Variants in ADAMTS12 observed in about 807,000 individuals in gnomAD.
ADAMTS12 encodes ADAM metallopeptidase with thrombospondin type 1 motif 12.
ADAMTS12 carries 118 observed loss-of-function variants against 167.8 expected under a neutral mutation model. The ratio of observed to expected loss-of-function variants is 0.70; its 90% CI spans 0.61 to 0.82. The LOEUF is 0.82. Among genes scored for constraint, ADAMTS12 ranks in the 40% least tolerant of loss-of-function variants. ADAMTS12 has a pLI of 0.00. For missense variants in ADAMTS12, 1,916 were observed against 1,998.8 expected (o/e 0.96, Z 0.79); for synonymous variants, 704 against 716.9 (o/e 0.98, Z 0.29).
intron 2 of ADAMTS12, among the ~76,000 whole-genome samples, chr5:33,864,925 C>A (rs932961420): frequency 3.3e-5 from 5 of 151,662 alleles, no homozygotes; most frequent in African/African-American, 1.2e-4. Flanking sequence ...CCACCATGGC[C>A]CATGTATACC....
At position 33,651,247 on chromosome 5, in the gene ADAMTS12, C is replaced by A. The variant is rs1302023246; in HGVS notation, c.1191-1550G>T. Among the ~76,000 whole-genome samples, 4 of 152,262 alleles carry A rather than the reference C, an allele frequency of 2.6e-5. No individual in the cohort carries two copies. The East Asian group carries it at 5.8e-4, about 22-fold the overall frequency. On this transcript the variant is annotated intron_variant, in intron 7 of 23. Transcript: ENST00000504830. ...AGTAGTTAAAATCCTAAACTGCAAGCAAGGTTCTAAAAACCTACATGAATA... is the reference window on the plus strand; with the variant it reads ...AGTAGTTAAAATCCTAAACTGCAAGAAAGGTTCTAAAAACCTACATGAATA...
At chr5:33,856,646 T>G (rs1183428277) in intron 2 of ADAMTS12, among the ~76,000 whole-genome samples, 2 of 151,096 alleles carry the variant, frequency 1.3e-5, no homozygotes, top group African/African-American at 4.9e-5. Flanking sequence ...AATACGTATA[T>G]GAAAAGGTGG....
intron 17 of ADAMTS12, among the ~76,000 whole-genome samples, chr5:33,590,240 G>A (rs1349396570): frequency 6.6e-6 from 1 of 152,236 alleles, no homozygotes; most frequent in East Asian, 1.9e-4. Context: ...TTACTGCAAA[G>A]TGATAATAGA....
At chr5:33,563,414 A>G (rs902558767) in intron 19 of ADAMTS12, among the ~76,000 whole-genome samples, 20 of 152,150 alleles carry the variant, frequency 1.3e-4, no homozygotes, top group Admixed American at 9.2e-4. Flanking sequence ...GGTGCTTTCC[A>G]TTCTTGCTCT....
intron 7 of ADAMTS12, among the ~76,000 whole-genome samples, chr5:33,651,301 T>C (rs1458077062): frequency 6.6e-6 from 1 of 152,244 alleles, no homozygotes; most frequent in East Asian, 1.9e-4. Context: ...GATATGTCGA[T>C]ACACCAAGCC....
chr5:33,804,550 G>A (rs1159336652), intron 2 of ADAMTS12, among the ~76,000 whole-genome samples: 2 of 152,208 alleles, frequency 1.3e-5, no homozygotes, highest in East Asian at 1.9e-4. Context: ...AAGCCACTGA[G>A]TTTTAGAGTG....
chr5:33,565,281 G>C, intron 19 of ADAMTS12, among the ~76,000 whole-genome samples: 1 of 152,030 alleles, frequency 6.6e-6, no homozygotes, highest in South Asian at 2.1e-4. Flanking sequence ...TCAGGCTCCC[G>C]AGTAGCTGGA....
chr5:33,846,674 ATTTC>A (rs1200721475), intron 2 of ADAMTS12, among the ~76,000 whole-genome samples: 1 of 152,152 alleles, frequency 6.6e-6, no homozygotes, highest in African/African-American at 2.4e-5. Context: ...TACATCTTAT[ATTTC>A]TTTGTGTCCT....
At chr5:33,607,970 A>G in intron 16 of ADAMTS12, among the ~76,000 whole-genome samples, 2 of 152,252 alleles carry the variant, frequency 1.3e-5, no homozygotes, top group East Asian at 3.8e-4. Context: ...GATCAATGCA[A>G]CAGAATAGGA....
chr5:33,813,611 C>T (rs1411932464), intron 2 of ADAMTS12, among the ~76,000 whole-genome samples: 1 of 152,186 alleles, frequency 6.6e-6, no homozygotes, highest in Non-Finnish European at 1.5e-5. Context: ...GCTTCTGTGT[C>T]CTCTCACTTA....
rs77391373 is a variant in ADAMTS12 at position 33,807,854 on chromosome 5, G to C, written c.490-56306C>G. Among the ~76,000 whole-genome samples the C allele has an allele frequency of 1.8e-4, 28 of 152,332 alleles. 1 individual carries two copies. The East Asian group carries it at 5.2e-3, about 28-fold the overall frequency. On this transcript the variant is annotated intron_variant, in intron 2 of 23. Transcript: ENST00000504830. ...GCAAAAAGAAGCAGGTGTGGAAGGA[G>C]AGTGCAGTTATCTGACAACGAGTTG...
intron 3 of ADAMTS12, among the ~76,000 whole-genome samples, chr5:33,744,355 A>C (rs1320028167): frequency 6.6e-6 from 1 of 152,228 alleles, no homozygotes; most frequent in Non-Finnish European, 1.5e-5. Context: ...AGTGATGAAA[A>C]GCAAAGCTTC....
chr5:33,634,287 A>G (rs1401028636), intron 12 of ADAMTS12, among the ~76,000 whole-genome samples: 1 of 152,066 alleles, frequency 6.6e-6, no homozygotes, highest in African/African-American at 2.4e-5. Context: ...CGGTGCTTTT[A>G]CCCAGGACCT....
intron 19 of ADAMTS12, among the ~76,000 whole-genome samples, chr5:33,572,398 C>G (rs1436993669): frequency 6.6e-6 from 1 of 151,936 alleles, no homozygotes; most frequent in East Asian, 1.9e-4. Context: ...AGCTTATCCA[C>G]CATGATCAAG....
At chr5:33,806,422 A>G (rs546126865) in intron 2 of ADAMTS12, among the ~76,000 whole-genome samples, 1 of 152,350 alleles carries the variant, frequency 6.6e-6, no homozygotes, top group South Asian at 2.1e-4. Context: ...AGTCTGTGGA[A>G]TGGAATGGTG....
chr5:33,836,553 A>G (rs1477474109), intron 2 of ADAMTS12, among the ~76,000 whole-genome samples: 1 of 152,230 alleles, frequency 6.6e-6, no homozygotes, highest in Non-Finnish European at 1.5e-5. Flanking sequence ...CTTCCATTAC[A>G]GCAGGGGAGG....
chr5:33,804,911 A>T (rs1023140010), intron 2 of ADAMTS12, among the ~76,000 whole-genome samples: 2 of 147,358 alleles, frequency 1.4e-5, no homozygotes, highest in East Asian at 3.9e-4. Flanking sequence ...ACTACAGAAT[A>T]AAAAAAAATG....
chr5:33,875,300 A>G (rs1309538875), intron 2 of ADAMTS12, among the ~76,000 whole-genome samples: 1 of 152,220 alleles, frequency 6.6e-6, no homozygotes, highest in Non-Finnish European at 1.5e-5. Context: ...CAACACCAAG[A>G]GTGAACTCTA....
intron 3 of ADAMTS12, among the ~76,000 whole-genome samples, chr5:33,708,728 T>C (rs1051411759): frequency 6.6e-6 from 1 of 152,034 alleles, no homozygotes. Context: ...TTCTCACTTA[T>C]AAGTGGGAGT....
Sources: gnomAD v4.1 joint callset for allele counts (sites outside exome capture counted in the v4.1 genomes callset) on GRCh38, gnomAD v4.1.1 for gene constraint, MANE v1.5 for transcripts, NCBI Gene and HGNC (gene_info 2026-07-23, HGNC 2026-07-21) for gene names.